Variants in ATP6V1C2 observed in about 807,000 individuals in gnomAD.
ATP6V1C2 encodes ATPase H+ transporting V1 subunit C2.
A neutral mutation model predicts 56.8 loss-of-function variants in ATP6V1C2; 45 were observed. The observed-to-expected ratio is 0.79, with a 90% confidence interval of 0.62 to 1.02. The LOEUF (loss-of-function observed/expected upper bound fraction) is 1.02. ATP6V1C2 is among the 50% of genes least tolerant of loss of function. The pLI, the probability that ATP6V1C2 is intolerant of heterozygous loss-of-function variation, is 0.00. For synonymous variants in ATP6V1C2, 220 were observed against 201.3 expected (o/e 1.09, Z -0.79); for missense variants, 463 against 519.7 (o/e 0.89, Z 1.06).
At chr2:10,775,627 C>A (rs6737844) in intron 10 of ATP6V1C2, among the ~76,000 whole-genome samples, 17 of 151,852 alleles carry the variant, frequency 1.1e-4, no homozygotes, top group Non-Finnish European at 2.2e-4. Context: ...AAACCCTTCA[C>A]GGAGGAGGAC....
intron 4 of ATP6V1C2, among the ~76,000 whole-genome samples, chr2:10,760,897 G>A (rs542168900): frequency 1.8e-4 from 27 of 152,330 alleles, no homozygotes; most frequent in East Asian, 1.9e-4. Flanking sequence ...TCCAAGCCAC[G>A]TAGACAGTGC....
intron 4 of ATP6V1C2, among the ~76,000 whole-genome samples, chr2:10,758,476 G>A (rs1206249612): frequency 6.6e-6 from 1 of 152,108 alleles, no homozygotes; most frequent in Non-Finnish European, 1.5e-5. Flanking sequence ...CCTGGAGGCT[G>A]TAGGGAGGCT....
chr2:10,723,219 G>T (rs1661455305), intron 2 of ATP6V1C2, among the ~76,000 whole-genome samples: 1 of 152,198 alleles, frequency 6.6e-6, no homozygotes, highest in Admixed American at 6.5e-5. Context: ...TGAACAGGGG[G>T]ACAAGGTTGT....
upstream of ATP6V1C2, among the ~76,000 whole-genome samples, chr2:10,721,399 C>T (rs1026646820): frequency 2.0e-5 from 3 of 152,112 alleles, no homozygotes; most frequent in Non-Finnish European, 4.4e-5. Flanking sequence ...GGCAGGAGAC[C>T]CCGTGGGACG....
At chr2:10,774,678 A>G (rs937626501) in intron 8 of ATP6V1C2, 110 bp from the exon 9 acceptor site, 120 of 877,810 alleles carry the variant, frequency 1.4e-4, no homozygotes, top group Middle Eastern at 3.2e-4. Context: ...CCCAGCCCTC[A>G]GCTGCTGCCA....
intron 5 of ATP6V1C2, among the ~76,000 whole-genome samples, chr2:10,767,604 T>C (rs1057495026): frequency 1.3e-5 from 2 of 151,956 alleles, no homozygotes; most frequent in Admixed American, 1.3e-4. Flanking sequence ...ATTACAGGCA[T>C]CCACCACCAA....
In ATP6V1C2 at chr2:10,738,863, A is replaced by G. The variant is rs185720870; in HGVS notation, c.197+12294A>G. ...CTCCCTGTCCAGCCCTCCACAGGAG[A>G]CGCCAGTAAGGACGGAGTCCTGTGG... On this transcript the variant is annotated intron_variant, in intron 3 of 13. Coordinates refer to ENST00000272238, the MANE Select transcript of ATP6V1C2 (RefSeq NM_001039362.2). 2.6e-3 allele frequency among the ~76,000 whole-genome samples: 399 copies of G among 152,194 alleles called. 2 individuals carry two copies. Among genetic ancestry groups the G allele is most frequent in the Admixed American group, 0.013 (200 of 15,284 alleles).
Position 10,775,041 on chromosome 2 carries a change from C to T in ATP6V1C2, c.795C>T (p.Ala265=). 4.3e-6 allele frequency: 7 copies of T among 1,614,022 alleles called. No homozygotes were observed. The highest frequency in any genetic ancestry group is 5.9e-6 in the Non-Finnish European group (7 of 1,179,986). The change falls in exon 10 of 14, where the codon GCC becomes GCT. Residue 265 remains alanine, a synonymous_variant. Transcript: ENST00000272238. ...TTGAAAGGGAAAGGGAGGAGATGGC[C>T]AGATTGCTGTCTGATAAGAAGCAAC... is the stretch of plus-strand genomic sequence containing the variant. ...KEIEREREEM[A]RLLSDKKQQY... is the part of the protein sequence containing the mutation.
At chr2:10,755,899 CA>C (rs1663528732) in intron 4 of ATP6V1C2, among the ~76,000 whole-genome samples, 1 of 152,192 alleles carries the variant, frequency 6.6e-6, no homozygotes, top group African/African-American at 2.4e-5. Flanking sequence ...CTTTAGATTC[CA>C]GTGATGTTTT....
intron 2 of ATP6V1C2, among the ~76,000 whole-genome samples, chr2:10,723,835 C>A (rs1412747596): frequency 3.2e-5 from 2 of 62,222 alleles, no homozygotes; most frequent in Admixed American, 4.3e-4. Context: ...GAGACTCTGT[C>A]TCAAAAAAAA....
intron 3 of ATP6V1C2, among the ~76,000 whole-genome samples, chr2:10,727,155 C>T (rs1016708168): frequency 3.3e-5 from 5 of 151,692 alleles, no homozygotes; most frequent in South Asian, 2.1e-4. Context: ...TTGCAACCTC[C>T]GCCTCCCAGG....
chr2:10,781,700 A>C (rs1665368188), intron 12 of ATP6V1C2, among the ~76,000 whole-genome samples: 1 of 152,200 alleles, frequency 6.6e-6, no homozygotes, highest in Admixed American at 6.5e-5. Flanking sequence ...CAACAATCAC[A>C]AAATGTTTTC....
rs1292939121 is a variant in ATP6V1C2 at position 10,780,567 on chromosome 2, C to T, written c.1062-1676C>T. 6.6e-6 allele frequency among the ~76,000 whole-genome samples: 1 copy of T among 152,220 alleles called. No homozygotes were observed. The highest frequency in any genetic ancestry group is 1.9e-4 in the East Asian group (1 of 5,190). ...GCAGCATTGGGTTGGAGGGTGTACC[C>T]AGCTCCTGGGAGTGTTCTAGCCATC... On this transcript the variant is annotated intron_variant, in intron 12 of 13. Transcript: ENST00000272238. The surrounding 1 kb of genome is among the most constrained non-coding windows in gnomAD (Gnocchi z 4.1).
At chr2:10,758,467 C>T (rs896956431) in intron 4 of ATP6V1C2, among the ~76,000 whole-genome samples, 4 of 152,050 alleles carry the variant, frequency 2.6e-5, no homozygotes, top group African/African-American at 9.7e-5. Context: ...ATTCTGAAGC[C>T]TGGAGGCTGT....
At chr2:10,756,190 C>T (rs1377918821) in intron 4 of ATP6V1C2, among the ~76,000 whole-genome samples, 1 of 152,080 alleles carries the variant, frequency 6.6e-6, no homozygotes, top group African/African-American at 2.4e-5. Context: ...AACCCCATCT[C>T]TACTAAAAAT....
At chr2:10,739,602 A>G (rs764253573) in intron 3 of ATP6V1C2, among the ~76,000 whole-genome samples, 12 of 152,102 alleles carry the variant, frequency 7.9e-5, no homozygotes, top group Admixed American at 1.3e-4. Context: ...CTGCTCACCC[A>G]GAAGACTTCT....
chr2:10,755,007 C>T (rs2148461434), intron 4 of ATP6V1C2, among the ~76,000 whole-genome samples: 1 of 152,220 alleles, frequency 6.6e-6, no homozygotes, highest in East Asian at 1.9e-4. Flanking sequence ...ACCAACACAC[C>T]TGGCTAATAT....
chr2:10,759,479 T>C (rs1483826185), intron 4 of ATP6V1C2, among the ~76,000 whole-genome samples: 1 of 152,092 alleles, frequency 6.6e-6, no homozygotes, highest in Non-Finnish European at 1.5e-5. Context: ...GACAAGACCA[T>C]CATTGCTCAA....
chr2:10,757,549 G>C, intron 4 of ATP6V1C2: 2 of 398,286 alleles, frequency 5.0e-6, no homozygotes, highest in Non-Finnish European at 4.4e-6. Context: ...TTGGTACAGT[G>C]ATCAAGTTAC....
Sources: allele counts gnomAD v4.1 joint callset (sites outside exome capture counted in the v4.1 genomes callset), GRCh38; gene constraint gnomAD v4.1.1; non-coding constraint Gnocchi (gnomAD v3.1); transcripts MANE v1.5; gene names NCBI Gene and HGNC (gene_info 2026-07-23, HGNC 2026-07-21).